The following MMP14 variants were observed in gnomAD, a reference collection of about 807,000 sequenced individuals.
MMP14 encodes the protein matrix metallopeptidase 14.
A neutral mutation model predicts 64.8 loss-of-function variants in MMP14; 13 were observed. The ratio of observed to expected loss-of-function variants is 0.20; its 90% CI spans 0.13 to 0.32. The LOEUF (loss-of-function observed/expected upper bound fraction) is 0.32. MMP14 is among the 10% of genes least tolerant of loss of function. The pLI is 1.00. For missense variants in MMP14, 594 were observed against 783.8 expected (o/e 0.76, Z 2.89); for synonymous variants, 322 against 315.9 (o/e 1.02, Z -0.20).
chr14:22,845,660 C>G, intron 9 of MMP14, 48 bp from the exon 10 acceptor site: 1 of 1,587,936 alleles, frequency 6.3e-7, no homozygotes, highest in Non-Finnish European at 8.6e-7. Flanking sequence ...CTCCTCTCCT[C>G]TCTTTGGGTC....
In MMP14 at chr14:22,842,363, C is replaced by T. The variant is rs755578015; in HGVS notation, c.381-47C>T. The T allele has an allele frequency of 7.6e-6, 12 of 1,570,634 alleles. No homozygotes were observed. Among genetic ancestry groups the T allele is most frequent in the Non-Finnish European group, 1.0e-5 (12 of 1,155,374 alleles). On this transcript the variant is annotated intron_variant, in intron 3 of 9. Coordinates refer to ENST00000311852, the MANE Select transcript of MMP14 (RefSeq NM_004995.4). This position sits in a 1 kb window ranked among gnomAD's most constrained non-coding sequence, Gnocchi z 5.3. ...TGCAGGGAAGGAGAATGTTGCCCCT[C>T]TTTATCCTAACACACCCCATCCTCT...
rs963152910 is a variant in MMP14, at chr14:22,842,814, G to T, written c.688+97G>T. The T allele has an allele frequency of 7.8e-7, 1 of 1,282,444 alleles. No individual in the cohort carries two copies. Among genetic ancestry groups the T allele is most frequent in the Non-Finnish European group, 1.1e-6 (1 of 935,698 alleles). The allele number at this position is 1,282,444 out of a possible 1,614,324, so 79.4% of individuals were successfully genotyped here. On this transcript the variant is annotated intron_variant, in intron 4 of 9. Coordinates refer to ENST00000311852, the MANE Select transcript of MMP14 (RefSeq NM_004995.4). This position sits in a 1 kb window ranked among gnomAD's most constrained non-coding sequence, Gnocchi z 5.3. ...CCTTCCAAAATCTCCGGGCTAGAAG[G>T]GACCACAGAGACCTTCTGATCTAAC...
At position 22,841,894 on chromosome 14, in the gene MMP14, G is replaced by A. The variant is rs755599049; in HGVS notation, c.258-19G>A. ...ATACACTGCACTGATCCCAATCCTC[G>A]CACCCAAACCCACTCCAGGGCCATG... On this transcript the variant is annotated intron_variant, in intron 2 of 9. Coordinates refer to ENST00000311852, the MANE Select transcript of MMP14 (RefSeq NM_004995.4). The A allele has an allele frequency of 1.9e-5, 31 of 1,613,938 alleles. No homozygotes were observed. Among genetic ancestry groups the A allele is most frequent in the Admixed American group, 3.3e-5 (2 of 59,986 alleles).
chr14:22,840,123 C>T (rs1015432722), intron 1 of MMP14, among the ~76,000 whole-genome samples: 1 of 152,024 alleles, frequency 6.6e-6, no homozygotes, highest in Non-Finnish European at 1.5e-5. Flanking sequence ...CCCACCACCA[C>T]GTGCAGCTAA....
chr14:22,837,734 C>G (rs1368693753), intron 1 of MMP14, among the ~76,000 whole-genome samples: 14 of 152,174 alleles, frequency 9.2e-5, no homozygotes, highest in African/African-American at 2.9e-4. Flanking sequence ...GGGTCTGGTC[C>G]GGGGTGCCCT....
chr14:22,842,257 G>A lies in MMP14; in HGVS notation c.381-153G>A. 1 of 1,044,768 alleles carries A rather than the reference G, an allele frequency of 9.6e-7. No individual in the cohort carries two copies. Among genetic ancestry groups the A allele is most frequent in the Non-Finnish European group, 1.4e-6 (1 of 723,716 alleles). The allele number at this position is 1,044,768 out of a possible 1,614,324, so 64.7% of individuals were successfully genotyped here. ...GAGCCTGAGGATCCCTTGTTCTTGA[G>A]ACAGAGGCGTTGCGCATGAGGTAGC... is the stretch of plus-strand genomic sequence containing the variant. On this transcript the variant is annotated intron_variant, in intron 3 of 9. Transcript: ENST00000311852. The surrounding 1 kb of genome is among the most constrained non-coding windows in gnomAD (Gnocchi z 5.3).
Position 22,842,243 on chromosome 14 carries a change from T to C in MMP14, c.381-167T>C. On this transcript the variant is annotated intron_variant, in intron 3 of 9. Coordinates refer to ENST00000311852, the MANE Select transcript of MMP14 (RefSeq NM_004995.4). This position sits in a 1 kb window ranked among gnomAD's most constrained non-coding sequence, Gnocchi z 5.3. Reference sequence around the variant, plus strand: ...GTGCCAGAGAGCCAGAGCCTGAGGATCCCTTGTTCTTGAGACAGAGGCGTT... The same window carrying C: ...GTGCCAGAGAGCCAGAGCCTGAGGACCCCTTGTTCTTGAGACAGAGGCGTT... The C allele has an allele frequency of 9.9e-7, 1 of 1,005,210 alleles. No homozygotes were observed. The highest frequency in any genetic ancestry group is 1.4e-6 in the Non-Finnish European group (1 of 690,496). 62.3% of individuals were successfully genotyped at this position (1,005,210 alleles called of 1,614,324 possible). A position where few individuals can be genotyped will look rare whatever the true frequency, so the allele number is the denominator to read the frequency against.
chr14:22,838,690 C>T (rs535771916), intron 1 of MMP14, among the ~76,000 whole-genome samples: 2 of 152,116 alleles, frequency 1.3e-5, no homozygotes, highest in African/African-American at 4.8e-5. Flanking sequence ...TGGGTCCCTC[C>T]TACCAGGCCT....
chr14:22,837,071 TC>T, intron 1 of MMP14, 146 bp downstream of exon 1: 1 of 715,066 alleles, frequency 1.4e-6, no homozygotes. Context: ...CCTTTCTTTT[TC>T]CTCTTCGTCT....
At position 22,844,455 on chromosome 14, in the gene MMP14, G is replaced by A. The variant is rs992015053; in HGVS notation, c.1096G>A (p.Ala366Thr). 4 of 1,614,126 alleles carry A rather than the reference G, an allele frequency of 2.5e-6. No individual in the cohort carries two copies. In the Middle Eastern group the frequency reaches 6.6e-4, roughly 266 times the overall value. The change falls in exon 7 of 10, where the codon GCG becomes ACG. Residue 366 changes from alanine to threonine, a missense_variant. This residue lies in a region of MMP14 where 364 missense variants were observed against 425.2 expected (regional missense o/e 0.86). Transcript: ENST00000311852. ...PIGQFWRGLPASINTAYERKD... is the reference protein window; with the variant it reads ...PIGQFWRGLPTSINTAYERKD... ...TGGCCAGTTCTGGCGGGGCCTGCCT[G>A]CGTCCATCAACACTGCCTACGAGAG...
rs368747631 is a variant in MMP14, at chr14:22,841,547, G to A, written c.165G>A (p.Gln55=). 25 of 1,613,984 alleles carry A rather than the reference G, an allele frequency of 1.5e-5. No homozygotes were observed. The highest frequency in any genetic ancestry group is 4.0e-5 in the African/African-American group (3 of 74,910). Residue 55 remains glutamine, a synonymous_variant, in exon 2 of 10, where the codon CAG becomes CAA. Coordinates refer to ENST00000311852, the MANE Select transcript of MMP14 (RefSeq NM_004995.4). ...CCGGGGACCTACGTACCCACACACAGCGCTCACCCCAGTCACTCTCAGCGG... is the reference window on the plus strand; with the variant it reads ...CCGGGGACCTACGTACCCACACACAACGCTCACCCCAGTCACTCTCAGCGG... ...LPPGDLRTHT[Q]RSPQSLSAAI...
rs954726678 is a variant in MMP14 at position 22,836,776 on chromosome 14, C to G, written c.-42C>G. 5 of 1,341,310 alleles carry G rather than the reference C, an allele frequency of 3.7e-6. No homozygotes were observed. The highest frequency in any genetic ancestry group is 1.4e-5 in the South Asian group (1 of 73,400). 83.1% of individuals were successfully genotyped at this position (1,341,310 alleles called of 1,614,324 possible). ...TGCGACCCCAGGGCGTGGGCCCGGC[C>G]GCGGAGCCCACACTGCCCGGCTGAC... On this transcript the variant is annotated 5_prime_UTR_variant, in exon 1 of 10. Coordinates refer to ENST00000311852, the MANE Select transcript of MMP14 (RefSeq NM_004995.4).
rs764623811 is a variant in MMP14, at chr14:22,842,687, C to G, written c.658C>G (p.Pro220Ala). 1.2e-6 allele frequency: 2 copies of G among 1,609,224 alleles called. No individual in the cohort carries two copies. Among genetic ancestry groups the G allele is most frequent in the South Asian group, 1.1e-5 (1 of 90,614 alleles). ...AGACACCCACTTTGACTCTGCCGAG[C>G]CTTGGACTGTCAGGAATGAGGATCT... Reference protein sequence around the residue: ...GGDTHFDSAEPWTVRNEDLNG... With the variant: ...GGDTHFDSAEAWTVRNEDLNG... The change falls in exon 4 of 10, where the codon CCT becomes GCT. Residue 220 changes from proline to alanine, a missense_variant. By Grantham distance (27) the Pro-to-Ala change is conservative. Transcript: ENST00000311852. This position sits in a 1 kb window ranked among gnomAD's most constrained non-coding sequence, Gnocchi z 5.3.
In MMP14 at chr14:22,847,014, G is replaced by C. The variant is rs937094368; in HGVS notation, c.*975G>C. 3 of 152,888 alleles carry C rather than the reference G, an allele frequency of 2.0e-5. No individual in the cohort carries two copies. Among genetic ancestry groups the C allele is most frequent in the African/African-American group, 7.2e-5 (3 of 41,478 alleles). 9.5% of individuals were successfully genotyped at this position (152,888 alleles called of 1,614,324 possible). On this transcript the variant is annotated 3_prime_UTR_variant, in exon 10 of 10. Coordinates refer to ENST00000311852, the MANE Select transcript of MMP14 (RefSeq NM_004995.4). The stretch of plus-strand genomic sequence containing the variant: ...GCAGCAGCATTGGAAGGCTGGGGCC[G>C]GGCAGGCCAGGCCAAGCCAAGCAGG...
rs549088025 is a variant in MMP14 at position 22,843,880 on chromosome 14, A to G, written c.1011+10A>G. ...GATGTTTGTCTTCAAGGTGAGAAGA[A>G]GTGGGCTGGTTTGAAAGACAAAAGG... is the stretch of plus-strand genomic sequence containing the variant. On this transcript the variant is annotated intron_variant, in intron 6 of 9. Transcript: ENST00000311852. This position sits in a 1 kb window ranked among gnomAD's most constrained non-coding sequence, Gnocchi z 4.8. 6.2e-7 allele frequency: 1 copy of G among 1,608,802 alleles called. No individual in the cohort carries two copies. The highest frequency in any genetic ancestry group is 1.7e-5 in the Admixed American group (1 of 57,842).
At position 22,843,238 on chromosome 14, in the gene MMP14, A is replaced by G; in HGVS notation, c.689-19A>G. ...GGAAGGGACTCAGGCTGCTATCGTC[A>G]CTGTCCCCATCCTTCCAGGAAATGA... On this transcript the variant is annotated intron_variant, in intron 4 of 9. Coordinates refer to ENST00000311852, the MANE Select transcript of MMP14 (RefSeq NM_004995.4). This position sits in a 1 kb window ranked among gnomAD's most constrained non-coding sequence, Gnocchi z 4.8. The G allele has an allele frequency of 1.2e-6, 2 of 1,607,306 alleles. No individual in the cohort carries two copies. The highest frequency in any genetic ancestry group is 1.7e-6 in the Non-Finnish European group (2 of 1,175,272).
Position 22,844,487 on chromosome 14 carries a change from T to A in MMP14, c.1128T>A (p.Asp376Glu), listed in dbSNP as rs372860898. Reference sequence around the variant, plus strand: ...TCAACACTGCCTACGAGAGGAAGGATGGCAAATTCGTCTTCTTCAAAGGTA... The same window carrying A: ...TCAACACTGCCTACGAGAGGAAGGAAGGCAAATTCGTCTTCTTCAAAGGTA... ...ASINTAYERK[D>E]GKFVFFKGDK... Residue 376 changes from aspartate to glutamate, a missense_variant, in exon 7 of 10, where the codon GAT (aspartate) becomes GAA (glutamate). Physicochemically the swap from Asp to Glu is conservative, Grantham distance 45. Transcript: ENST00000311852. The A allele has an allele frequency of 2.2e-5, 35 of 1,614,058 alleles. No individual in the cohort carries two copies. The highest frequency in any genetic ancestry group is 2.9e-5 in the Non-Finnish European group (34 of 1,180,024).
chr14:22,842,309 G>T lies in MMP14; in HGVS notation c.381-101G>T. 1 of 1,343,296 alleles carries T rather than the reference G, an allele frequency of 7.4e-7. No individual in the cohort carries two copies. Among genetic ancestry groups the T allele is most frequent in the East Asian group, 2.4e-5 (1 of 42,254 alleles). 83.2% of individuals were successfully genotyped at this position (1,343,296 alleles called of 1,614,324 possible). ...GGAAGAGCTGGGTCAGGCAGAGGTGGCTGGGCCGCGCAGTCAGACCTGGGA... is the reference window on the plus strand; with the variant it reads ...GGAAGAGCTGGGTCAGGCAGAGGTGTCTGGGCCGCGCAGTCAGACCTGGGA... On this transcript the variant is annotated intron_variant, in intron 3 of 9. Coordinates refer to ENST00000311852, the MANE Select transcript of MMP14 (RefSeq NM_004995.4). This position sits in a 1 kb window ranked among gnomAD's most constrained non-coding sequence, Gnocchi z 5.3.
At chr14:22,840,512 C>CT (rs768214975) in intron 1 of MMP14, among the ~76,000 whole-genome samples, 270 of 144,154 alleles carry the variant, frequency 1.9e-3, no homozygotes, top group African/African-American at 2.6e-3. Flanking sequence ...TGTTGAGAAT[C>CT]TTTTTTTTTT....
Sources: gnomAD v4.1 joint callset for allele counts (sites outside exome capture counted in the v4.1 genomes callset) on GRCh38, gnomAD v4.1.1 for gene constraint, gnomAD v4.1.1 regional missense constraint, Gnocchi (gnomAD v3.1) non-coding constraint, MANE v1.5 for transcripts, NCBI Gene and HGNC (gene_info 2026-07-23, HGNC 2026-07-21) for gene names.